The following MYO16 variants were observed in gnomAD, a reference collection of about 807,000 sequenced individuals.
The protein encoded by MYO16 is unconventional myosin-XVI.
In MYO16, 94 loss-of-function variants were observed where a neutral mutation model predicts 205.3. The ratio of observed to expected loss-of-function variants is 0.46; its 90% CI spans 0.39 to 0.54. The LOEUF is 0.54. MYO16 is among the 20% of genes least tolerant of loss of function. The pLI is 0.00. For missense variants in MYO16, 2,315 were observed against 2,387.5 expected, an observed-to-expected ratio of 0.97 and a Z score of 0.63; for synonymous variants, 988 against 954.0, an observed-to-expected ratio of 1.04 and a Z score of -0.66.
rs150655730 is a variant in MYO16, at chr13:109,185,295, A to G, written c.5415+5662A>G. On this transcript the variant is annotated intron_variant, in intron 34 of 34. Coordinates refer to ENST00000457511, the MANE Select transcript of MYO16 (RefSeq NM_001198950.3). Reference sequence around the variant, plus strand: ...AGAACTAGATAAGAATCCCAGATTCATCATTCATCATGTAAGTGCACAAAA... The same window carrying G: ...AGAACTAGATAAGAATCCCAGATTCGTCATTCATCATGTAAGTGCACAAAA... Among the ~76,000 whole-genome samples, 261 of 152,336 alleles carry G rather than the reference A, an allele frequency of 1.7e-3. 4 individuals carry two copies. The highest frequency in any genetic ancestry group is 0.01 in the Admixed American group (157 of 15,302).
chr13:108,922,691 TTGA>T (rs1409004213), intron 16 of MYO16, among the ~76,000 whole-genome samples: 1 of 152,180 alleles, frequency 6.6e-6, no homozygotes, highest in East Asian at 1.9e-4. Flanking sequence ...GGTTTTGGAG[TTGA>T]TGACATATTG....
At chr13:108,540,113 A>G in the MYO16 span, among the ~76,000 whole-genome samples, 1 of 152,116 alleles carries the variant, frequency 6.6e-6, no homozygotes, top group Non-Finnish European at 1.5e-5. Flanking sequence ...TTCTGTAATT[A>G]CATGACTAGC....
intron 9 of MYO16, among the ~76,000 whole-genome samples, chr13:108,840,219 ACAT>A (rs1877170337): frequency 1.3e-5 from 2 of 152,168 alleles, no homozygotes; most frequent in Admixed American, 1.3e-4. Context: ...ACACTATAAA[ACAT>A]CATTATCCAG....
At chr13:108,545,004 A>G in the MYO16 span, among the ~76,000 whole-genome samples, 12 of 135,318 alleles carry the variant, frequency 8.9e-5, no homozygotes, top group Non-Finnish European at 1.8e-4. Flanking sequence ...TTTTTTTTTT[A>G]ATTTTACTTT....
chr13:108,607,200 A>G (rs571395856), intron 1 of MYO16, among the ~76,000 whole-genome samples: 4 of 152,150 alleles, frequency 2.6e-5, no homozygotes, highest in Non-Finnish European at 5.9e-5. Flanking sequence ...AATGCTGGAA[A>G]CAGTTTAAAC....
At chr13:109,012,014 T>C (rs753873249) in intron 22 of MYO16, among the ~76,000 whole-genome samples, 1 of 151,882 alleles carries the variant, frequency 6.6e-6, no homozygotes, top group African/African-American at 2.4e-5. Flanking sequence ...TGAGAAGAAT[T>C]ATTATCAGAG....
At position 108,961,995 on chromosome 13, in the gene MYO16, A is replaced by G. The variant is rs193133724; in HGVS notation, c.2155+339A>G. ...GTTATTAGCTCAACATTTTAAACAG[A>G]ATGTAATTAATTCCCTTTCAAAGAT... On this transcript the variant is annotated intron_variant, in intron 18 of 34. Transcript: ENST00000457511. 4.6e-4 allele frequency among the ~76,000 whole-genome samples: 70 copies of G among 152,318 alleles called. 1 individual carries two copies. Among genetic ancestry groups the G allele is most frequent in the Non-Finnish European group, 1.0e-4 (7 of 68,026 alleles).
intron 15 of MYO16, among the ~76,000 whole-genome samples, chr13:108,903,889 C>T (rs540976869): frequency 6.6e-6 from 1 of 152,218 alleles, no homozygotes; most frequent in Admixed American, 6.5e-5. Context: ...TATCTCAAAC[C>T]AGGTCAAATA....
chr13:108,853,158 T>C (rs1017276907), intron 10 of MYO16, among the ~76,000 whole-genome samples: 4 of 152,216 alleles, frequency 2.6e-5, no homozygotes, highest in African/African-American at 9.6e-5. Flanking sequence ...CGCCTCTCTC[T>C]GAGAGCTGTC....
intron 23 of MYO16, among the ~76,000 whole-genome samples, chr13:109,038,487 A>C (rs992676389): frequency 2.0e-5 from 3 of 151,936 alleles, no homozygotes; most frequent in African/African-American, 7.3e-5. Context: ...AATCTACACT[A>C]TTGGCTCTCT....
the MYO16 span, among the ~76,000 whole-genome samples, chr13:108,565,347 G>GT: frequency 2.0e-5 from 3 of 152,076 alleles, no homozygotes; most frequent in Non-Finnish European, 2.9e-5. Context: ...GTCCTCTTCA[G>GT]TTTTTTCATC....
At chr13:109,005,709 G>T (rs1028798594) in intron 21 of MYO16, among the ~76,000 whole-genome samples, 1 of 151,916 alleles carries the variant, frequency 6.6e-6, no homozygotes, top group African/African-American at 2.4e-5. Flanking sequence ...CTACACCTAC[G>T]CACAACATTC....
intron 19 of MYO16, among the ~76,000 whole-genome samples, chr13:108,963,744 T>G (rs1413598473): frequency 6.6e-6 from 1 of 152,324 alleles, no homozygotes; most frequent in South Asian, 2.1e-4. Flanking sequence ...TCGCACCTTC[T>G]TTTGAGAAAC....
intron 20 of MYO16, among the ~76,000 whole-genome samples, chr13:108,973,396 C>T (rs1405735101): frequency 1.3e-5 from 2 of 152,178 alleles, no homozygotes; most frequent in African/African-American, 4.8e-5. Context: ...GTTTAATTCA[C>T]ATGTTAATCC....
chr13:108,919,301 G>T (rs1052680980), intron 16 of MYO16, among the ~76,000 whole-genome samples: 1 of 152,210 alleles, frequency 6.6e-6, no homozygotes, highest in Non-Finnish European at 1.5e-5. Context: ...TTACCTTGGT[G>T]CCTCTTCAAT....
At chr13:108,775,272 T>C (rs1315419435) in intron 4 of MYO16, among the ~76,000 whole-genome samples, 1 of 152,156 alleles carries the variant, frequency 6.6e-6, no homozygotes, top group Non-Finnish European at 1.5e-5. Context: ...AGCTGAAAAA[T>C]TATATACTGG....
intron 23 of MYO16, among the ~76,000 whole-genome samples, chr13:109,024,764 G>T (rs1886307312): frequency 6.6e-6 from 1 of 152,028 alleles, no homozygotes; most frequent in Admixed American, 6.6e-5. Flanking sequence ...ATGTACTAAT[G>T]AGTCTTAGCC....
chr13:108,883,502 C>A (rs1166360442), intron 13 of MYO16, among the ~76,000 whole-genome samples: 1 of 152,190 alleles, frequency 6.6e-6, no homozygotes, highest in Non-Finnish European at 1.5e-5. Flanking sequence ...ACCAATATTA[C>A]GGAACCTAAG....
chr13:108,861,087 CA>C (rs758609390), intron 11 of MYO16, among the ~76,000 whole-genome samples: 5 of 152,024 alleles, frequency 3.3e-5, no homozygotes, highest in Non-Finnish European at 7.4e-5. Context: ...TAACGACAAA[CA>C]AACAAGGTAA....
Sources: gnomAD v4.1 joint callset for allele counts (sites outside exome capture counted in the v4.1 genomes callset) on GRCh38, gnomAD v4.1.1 for gene constraint, MANE v1.5 for transcripts, NCBI Gene and HGNC (gene_info 2026-07-23, HGNC 2026-07-21) for gene names.